GABRB3: variants seen among roughly 807,000 people sequenced by gnomAD.
The protein encoded by GABRB3 is gamma-aminobutyric acid receptor subunit beta-3.
Under a neutral mutation model 52.1 loss-of-function variants are expected in GABRB3, and 14 were observed. The observed-to-expected ratio is 0.27, with a 90% CI of 0.18 to 0.42. The LOEUF (loss-of-function observed/expected upper bound fraction) is 0.42. GABRB3 is among the 10% of genes least tolerant of loss of function. GABRB3 has a pLI of 1.00. For missense variants in GABRB3, 307 were observed against 609.1 expected (o/e 0.50, Z 5.22); for synonymous variants, 260 against 232.3 (o/e 1.12, Z -1.08).
At chr15:26,711,577 C>A (rs1490722283) in intron 3 of GABRB3, among the ~76,000 whole-genome samples, 1 of 152,134 alleles carries the variant, frequency 6.6e-6, no homozygotes, top group Non-Finnish European at 1.5e-5. Context: ...CACTACCTCC[C>A]CCGCCCCAGG....
At chr15:26,553,088 A>G (rs1480066207) in intron 8 of GABRB3, among the ~76,000 whole-genome samples, 1 of 152,240 alleles carries the variant, frequency 6.6e-6, no homozygotes, top group African/African-American at 2.4e-5. Flanking sequence ...TTATATGTTT[A>G]AAATCTATCT....
At chr15:26,631,611 A>G (rs2140559342) in intron 3 of GABRB3, among the ~76,000 whole-genome samples, 1 of 152,364 alleles carries the variant, frequency 6.6e-6, no homozygotes, top group South Asian at 2.1e-4. Flanking sequence ...TGTTTTGAGA[A>G]GCTTACATAA....
chr15:26,747,213 T>C (rs1196526111), intron 3 of GABRB3, among the ~76,000 whole-genome samples: 1 of 152,138 alleles, frequency 6.6e-6, no homozygotes, highest in African/African-American at 2.4e-5. Context: ...TAAATCCCCT[T>C]CTCCCAGACT....
At chr15:26,654,468 G>C (rs1795819981) in intron 3 of GABRB3, among the ~76,000 whole-genome samples, 1 of 151,804 alleles carries the variant, frequency 6.6e-6, no homozygotes, top group Non-Finnish European at 1.5e-5. Context: ...CTTAAAAATG[G>C]GTTTGGCCAA....
intron 3 of GABRB3, among the ~76,000 whole-genome samples, chr15:26,757,451 T>C (rs1172510193): frequency 2.0e-5 from 3 of 152,202 alleles, no homozygotes; most frequent in Non-Finnish European, 4.4e-5. Flanking sequence ...CTTGAGGACT[T>C]ATGAGTGTCA....
intron 3 of GABRB3, among the ~76,000 whole-genome samples, chr15:26,692,920 T>A (rs947857221): frequency 1.5e-4 from 23 of 152,204 alleles, no homozygotes; most frequent in Non-Finnish European, 3.4e-4. Context: ...GACAAAAATT[T>A]TCCCTAAAGA....
chr15:26,671,861 T>C (rs1238003508), intron 3 of GABRB3, among the ~76,000 whole-genome samples: 3 of 152,146 alleles, frequency 2.0e-5, no homozygotes, highest in South Asian at 2.1e-4. Context: ...CGCAGGGAAT[T>C]CTGTTTTCTC....
At chr15:26,576,074 T>C (rs1890579537) in intron 6 of GABRB3, among the ~76,000 whole-genome samples, 1 of 152,248 alleles carries the variant, frequency 6.6e-6, no homozygotes, top group Non-Finnish European at 1.5e-5. Context: ...AAGCTGAAGT[T>C]TCAATCTGTT....
intron 4 of GABRB3, among the ~76,000 whole-genome samples, chr15:26,610,012 G>A (rs981690975): frequency 3.3e-5 from 5 of 152,034 alleles, no homozygotes; most frequent in East Asian, 1.9e-4. Flanking sequence ...TCCTGCAGAC[G>A]GTATCAAGGA....
intron 4 of GABRB3, chr15:26,615,989 CT>C (rs1396863838): frequency 7.8e-7 from 1 of 1,289,100 alleles, no homozygotes; most frequent in Non-Finnish European, 1.0e-6. Flanking sequence ...CTCTGCAAAC[CT>C]TCCACCATGG....
At chr15:26,624,562 A>G in intron 3 of GABRB3, 1 of 985,424 alleles carries the variant, frequency 1.0e-6, no homozygotes, top group South Asian at 4.7e-5. Context: ...TCTCCGCACC[A>G]CCAGCAGCGC....
chr15:26,734,279 C>T lies in GABRB3; in HGVS notation c.240+38123G>A, dbSNP rs1019129085. On this transcript the variant is annotated intron_variant, in intron 3 of 8. Transcript: ENST00000311550. Reference sequence around the variant, plus strand: ...CTCCCGACCTCAGGTGATCCGCCTGCCTCGGCCTCCCAAAGTCCTGGGATT... The same window carrying T: ...CTCCCGACCTCAGGTGATCCGCCTGTCTCGGCCTCCCAAAGTCCTGGGATT... Among the ~76,000 whole-genome samples the T allele has an allele frequency of 1.1e-4, 17 of 151,950 alleles. 1 individual carries two copies. The highest frequency in any genetic ancestry group is 3.9e-4 in the African/African-American group (16 of 41,374).
intron 3 of GABRB3, among the ~76,000 whole-genome samples, chr15:26,665,363 AATC>A (rs1887677248): frequency 6.6e-6 from 1 of 152,242 alleles, no homozygotes; most frequent in East Asian, 1.9e-4. Flanking sequence ...TGCAAAACAG[AATC>A]ATCATGCAAA....
chr15:26,683,141 G>A (rs184573197), intron 3 of GABRB3, among the ~76,000 whole-genome samples: 8 of 152,310 alleles, frequency 5.3e-5, no homozygotes, highest in South Asian at 2.1e-4. Context: ...GGCTGCCAAC[G>A]CTGGATGTTG....
chr15:26,574,378 T>C (rs1013726408), intron 6 of GABRB3, among the ~76,000 whole-genome samples: 1 of 152,138 alleles, frequency 6.6e-6, no homozygotes, highest in Non-Finnish European at 1.5e-5. Context: ...TGTTACCCTA[T>C]ATGACCCAGG....
At chr15:26,628,293 A>T (rs1350705717) in intron 3 of GABRB3, among the ~76,000 whole-genome samples, 1 of 152,218 alleles carries the variant, frequency 6.6e-6, no homozygotes, top group African/African-American at 2.4e-5. Context: ...GTATTTACTC[A>T]GTTATTCAGC....
intron 5 of GABRB3, 68 bp downstream of exon 5, chr15:26,583,264 G>T: frequency 7.6e-7 from 1 of 1,310,508 alleles, no homozygotes; most frequent in Non-Finnish European, 1.1e-6. Flanking sequence ...GAAAAAAGAT[G>T]CTAAATAATG....
intron 3 of GABRB3, among the ~76,000 whole-genome samples, chr15:26,711,004 T>C (rs1188998888): frequency 6.6e-6 from 1 of 152,128 alleles, no homozygotes; most frequent in African/African-American, 2.4e-5. Context: ...CTATGCCTCA[T>C]GAGCTCTGGA....
At chr15:26,755,005 C>T (rs1186521899) in intron 3 of GABRB3, among the ~76,000 whole-genome samples, 6 of 139,172 alleles carry the variant, frequency 4.3e-5, no homozygotes, top group Non-Finnish European at 9.2e-5. Flanking sequence ...CCTCTAACAA[C>T]TTTTTTTTTT....
Sources: gnomAD v4.1 joint callset for allele counts (sites outside exome capture counted in the v4.1 genomes callset) on GRCh38, gnomAD v4.1.1 for gene constraint, MANE v1.5 for transcripts, NCBI Gene and HGNC (gene_info 2026-07-23, HGNC 2026-07-21) for gene names.